Variants in BMP6 observed in about 807,000 individuals in gnomAD.
BMP6 encodes bone morphogenetic protein 6, also known as VG-1-R.
BMP6 carries 17 observed loss-of-function variants against 54.1 expected under a neutral mutation model. The observed-to-expected ratio is 0.31, with a 90% CI of 0.22 to 0.47. BMP6 has a LOEUF of 0.47. Ranked by LOEUF, BMP6 falls within the 20% of genes least tolerant of loss-of-function variation. BMP6 has a pLI of 1.00. For missense variants in BMP6, 720 were observed against 690.4 expected (o/e 1.04, Z -0.48); for synonymous variants, 328 against 291.2 (o/e 1.13, Z -1.28).
chr6:7,819,114 T>G (rs888348396), intron 1 of BMP6, among the ~76,000 whole-genome samples: 1 of 152,060 alleles, frequency 6.6e-6, no homozygotes, highest in African/African-American at 2.4e-5. Flanking sequence ...TGTGGTGTCT[T>G]TGTGTGTGAG....
intron 1 of BMP6, among the ~76,000 whole-genome samples, chr6:7,826,859 T>A (rs900144214): frequency 2.0e-5 from 3 of 152,224 alleles, no homozygotes; most frequent in Admixed American, 6.5e-5. Flanking sequence ...TGATATATGC[T>A]TCCTGTCTTT....
chr6:7,739,374 C>G (rs914934440), intron 1 of BMP6, among the ~76,000 whole-genome samples: 1 of 152,154 alleles, frequency 6.6e-6, no homozygotes, highest in African/African-American at 2.4e-5. Flanking sequence ...TCCAAATATT[C>G]TGGAAGCTTA....
chr6:7,817,615 C>G (rs1316272926), intron 1 of BMP6, among the ~76,000 whole-genome samples: 1 of 151,540 alleles, frequency 6.6e-6, no homozygotes, highest in African/African-American at 2.4e-5. Context: ...AGGAGATATA[C>G]CTAATGTAAA....
At chr6:7,812,720 T>G (rs557033491) in intron 1 of BMP6, among the ~76,000 whole-genome samples, 1 of 152,276 alleles carries the variant, frequency 6.6e-6, no homozygotes, top group African/African-American at 2.4e-5. Flanking sequence ...ATGTAAAATA[T>G]GTAGAACACA....
chr6:7,747,457 T>C (rs1430829450), intron 1 of BMP6, among the ~76,000 whole-genome samples: 1 of 152,132 alleles, frequency 6.6e-6, no homozygotes, highest in Non-Finnish European at 1.5e-5. Flanking sequence ...AGGAATGCAG[T>C]GGCCTCTGGA....
At chr6:7,870,903 A>G (rs1759513654) in intron 4 of BMP6, among the ~76,000 whole-genome samples, 1 of 152,238 alleles carries the variant, frequency 6.6e-6, no homozygotes, top group African/African-American at 2.4e-5. Flanking sequence ...TGCTGGGATT[A>G]CAGGCGTGAG....
intron 1 of BMP6, among the ~76,000 whole-genome samples, chr6:7,816,315 C>A (rs968583889): frequency 1.4e-4 from 22 of 152,296 alleles, no homozygotes; most frequent in African/African-American, 5.3e-4. Context: ...TTCGTTTAAT[C>A]CCCTCCGTAA....
At chr6:7,770,834 T>C (rs752748132) in intron 1 of BMP6, among the ~76,000 whole-genome samples, 42 of 152,238 alleles carry the variant, frequency 2.8e-4, no homozygotes, top group Non-Finnish European at 5.3e-4. Flanking sequence ...TGCCTTGCAT[T>C]ACAATCACTT....
chr6:7,855,341 A>G (rs1759208758), intron 2 of BMP6, among the ~76,000 whole-genome samples: 2 of 152,214 alleles, frequency 1.3e-5, no homozygotes, highest in Admixed American at 1.3e-4. Flanking sequence ...CCCCTCCCCA[A>G]GCTTACTGAG....
chr6:7,730,186 C>T (rs1455530589), intron 1 of BMP6, among the ~76,000 whole-genome samples: 2 of 152,216 alleles, frequency 1.3e-5, no homozygotes, highest in African/African-American at 4.8e-5. Flanking sequence ...TCGTGGGCTA[C>T]AGGGACACAC....
At chr6:7,808,914 T>TTA (rs779112810) in intron 1 of BMP6, among the ~76,000 whole-genome samples, 15 of 88,968 alleles carry the variant, frequency 1.7e-4, no homozygotes, top group South Asian at 4.2e-4. Flanking sequence ...ACCCTGTCTC[T>TTA]AAAAAAAAAA....
At chr6:7,727,726 G>A (rs1332482029) in intron 1 of BMP6, 107 bp downstream of exon 1, 7 of 1,289,288 alleles carry the variant, frequency 5.4e-6, no homozygotes, top group Non-Finnish European at 7.0e-6. Context: ...CGCGGGTCCC[G>A]CCTGGTGCGC....
intron 1 of BMP6, among the ~76,000 whole-genome samples, chr6:7,774,663 C>T (rs894325356): frequency 6.6e-6 from 1 of 152,214 alleles, no homozygotes; most frequent in Non-Finnish European, 1.5e-5. Context: ...GAGCCCAGAT[C>T]GTGCCACTGC....
At chr6:7,871,278 C>T (rs899114264) in intron 4 of BMP6, among the ~76,000 whole-genome samples, 2 of 152,130 alleles carry the variant, frequency 1.3e-5, no homozygotes, top group African/African-American at 4.8e-5. Flanking sequence ...ACTAATTGTA[C>T]CTGAAGGTTT....
intron 1 of BMP6, among the ~76,000 whole-genome samples, chr6:7,781,942 G>A (rs573401981): frequency 8.8e-4 from 134 of 151,592 alleles, no homozygotes; most frequent in African/African-American, 3.1e-3. Context: ...ACGGTTTTAA[G>A]CAACTGTGGT....
intron 1 of BMP6, among the ~76,000 whole-genome samples, chr6:7,786,684 C>A (rs1758024989): frequency 6.6e-6 from 1 of 152,002 alleles, no homozygotes; most frequent in South Asian, 2.1e-4. Context: ...GAACAGACAG[C>A]CCCCAGTGAC....
At chr6:7,764,577 A>G (rs930008990) in intron 1 of BMP6, among the ~76,000 whole-genome samples, 1 of 152,138 alleles carries the variant, frequency 6.6e-6, no homozygotes, top group Admixed American at 6.5e-5. Flanking sequence ...ATGGTGTTAT[A>G]TGGAGGTCAG....
At chr6:7,751,366 C>T (rs1039051801) in intron 1 of BMP6, among the ~76,000 whole-genome samples, 2 of 152,128 alleles carry the variant, frequency 1.3e-5, no homozygotes, top group Non-Finnish European at 1.5e-5. Flanking sequence ...ATACCCATCC[C>T]AAATGCTTAG....
At chr6:7,823,097 T>C (rs758634224) in intron 1 of BMP6, among the ~76,000 whole-genome samples, 9 of 152,218 alleles carry the variant, frequency 5.9e-5, no homozygotes, top group Non-Finnish European at 1.0e-4. Context: ...TCCCTCACTT[T>C]CTTTTTCCAT....
Sources: gnomAD v4.1 joint callset for allele counts (sites outside exome capture counted in the v4.1 genomes callset) on GRCh38, gnomAD v4.1.1 for gene constraint, MANE v1.5 for transcripts, NCBI Gene and HGNC (gene_info 2026-07-23, HGNC 2026-07-21) for gene names.